The following TRPS1 variants were observed in gnomAD, a reference collection of about 807,000 sequenced individuals.
The protein encoded by TRPS1 is transcriptional repressor GATA binding 1.
Under a neutral mutation model 101.2 loss-of-function variants are expected in TRPS1, and 6 were observed. The observed-to-expected ratio is 0.06, with a 90% CI of 0.03 to 0.12. TRPS1 has a LOEUF of 0.12. Ranked by LOEUF, TRPS1 falls within the 10% of genes least tolerant of loss-of-function variation. The pLI, the probability that TRPS1 is intolerant of heterozygous loss-of-function variation, is 1.00. For synonymous variants in TRPS1, 578 were observed against 589.8 expected, an observed-to-expected ratio of 0.98 and a Z score of 0.29; for missense variants, 1,363 against 1,567.0, an observed-to-expected ratio of 0.87 and a Z score of 2.20.
intron 5 of TRPS1, among the ~76,000 whole-genome samples, chr8:115,535,757 ATG>A (rs1816304255): frequency 6.6e-6 from 1 of 151,286 alleles, no homozygotes; most frequent in Non-Finnish European, 1.5e-5. Context: ...ATACATGTAT[ATG>A]TGTATATATA....
At chr8:115,590,749 T>C (rs1389179289) in intron 4 of TRPS1, among the ~76,000 whole-genome samples, 1 of 152,192 alleles carries the variant, frequency 6.6e-6, no homozygotes, top group African/African-American at 2.4e-5. Context: ...AGTTTCCTCA[T>C]CTGCAAAATG....
At chr8:115,517,876 G>T (rs1815755329) in intron 5 of TRPS1, among the ~76,000 whole-genome samples, 1 of 151,726 alleles carries the variant, frequency 6.6e-6, no homozygotes, top group Non-Finnish European at 1.5e-5. Flanking sequence ...AATCCTGGTT[G>T]ACTGGGTTTG....
intron 4 of TRPS1, among the ~76,000 whole-genome samples, chr8:115,588,874 T>C (rs1817623937): frequency 6.6e-6 from 1 of 152,204 alleles, no homozygotes; most frequent in African/African-American, 2.4e-5. Context: ...CATTGGTGAA[T>C]AAAAGATATA....
intron 5 of TRPS1, among the ~76,000 whole-genome samples, chr8:115,501,636 C>A (rs976454744): frequency 1.3e-5 from 2 of 152,174 alleles, no homozygotes; most frequent in Admixed American, 1.3e-4. Flanking sequence ...AGTCCTCTAA[C>A]CAAAACCAAA....
At chr8:115,636,171 G>A (rs1245000083) in intron 1 of TRPS1, among the ~76,000 whole-genome samples, 1 of 151,442 alleles carries the variant, frequency 6.6e-6, no homozygotes, top group Non-Finnish European at 1.5e-5. Context: ...TAATGTATAT[G>A]TACATACATA....
chr8:115,633,549 TC>T (rs1320834003), intron 1 of TRPS1, among the ~76,000 whole-genome samples: 3 of 152,176 alleles, frequency 2.0e-5, no homozygotes, highest in Non-Finnish European at 4.4e-5. Context: ...TCACGTAATT[TC>T]CCCAGTTGGT....
intron 5 of TRPS1, among the ~76,000 whole-genome samples, chr8:115,450,761 T>G (rs1813850197): frequency 6.6e-6 from 1 of 152,214 alleles, no homozygotes; most frequent in South Asian, 2.1e-4. Flanking sequence ...TGCCTCATTC[T>G]TGCCTCTTCC....
chr8:115,517,743 A>T lies in TRPS1; in HGVS notation c.2700+69258T>A, dbSNP rs563835897. 4.6e-5 allele frequency among the ~76,000 whole-genome samples: 7 copies of T among 151,864 alleles called. No homozygotes were observed. The South Asian group carries it at 1.4e-3, about 31-fold the overall frequency. On this transcript the variant is annotated intron_variant, in intron 5 of 6. Coordinates refer to ENST00000395715, the MANE Select transcript of TRPS1 (RefSeq NM_014112.5). Reference sequence around the variant, plus strand: ...AATTCTGATTTCCAGACTATGTAGGAGAGACCAAAAAGTCACCTGACAATC... The same window carrying T: ...AATTCTGATTTCCAGACTATGTAGGTGAGACCAAAAAGTCACCTGACAATC...
At chr8:115,497,564 T>A (rs1815179828) in intron 5 of TRPS1, among the ~76,000 whole-genome samples, 1 of 152,176 alleles carries the variant, frequency 6.6e-6, no homozygotes, top group East Asian at 1.9e-4. Context: ...AAGTTCTAAT[T>A]CTTCTGAAAA....
chr8:115,580,241 A>ATAT, intron 5 of TRPS1, among the ~76,000 whole-genome samples: 1 of 141,138 alleles, frequency 7.1e-6, no homozygotes, highest in Non-Finnish European at 1.5e-5. Context: ...GAAGAAAAAA[A>ATAT]AAAAATATAT....
intron 5 of TRPS1, among the ~76,000 whole-genome samples, chr8:115,557,123 A>G (rs888731160): frequency 4.6e-5 from 7 of 152,032 alleles, no homozygotes; most frequent in African/African-American, 1.7e-4. Flanking sequence ...CCTCTTTTTA[A>G]AACCACCTGA....
At position 115,619,772 on chromosome 8, in the gene TRPS1, T is replaced by C; in HGVS notation, c.326A>G (p.Asn109Ser). ...CTCATCATGCGGAAAGGAGGGAAAG[T>C]TTCCTCCCTTACTGGGGCTTTCATA... The part of the protein sequence containing the change: ...FNYESPSKGG[N>S]FPSFPHDEVT... The change falls in exon 3 of 7, where the codon AAC becomes AGC. Residue 109 changes from asparagine to serine, a missense_variant. Physicochemically the swap from Asn to Ser is conservative, Grantham distance 46. Transcript: ENST00000395715. 1 of 1,614,164 alleles carries C rather than the reference T, an allele frequency of 6.2e-7. No individual in the cohort carries two copies. The highest frequency in any genetic ancestry group is 1.1e-5 in the South Asian group (1 of 91,088).
intron 5 of TRPS1, among the ~76,000 whole-genome samples, chr8:115,498,715 T>A (rs930577124): frequency 2.0e-5 from 3 of 151,962 alleles, no homozygotes; most frequent in Non-Finnish European, 4.4e-5. Flanking sequence ...CTGAAAACAC[T>A]AAAGGAACTT....
intron 2 of TRPS1, among the ~76,000 whole-genome samples, chr8:115,622,530 T>C (rs138371029): frequency 1.3e-5 from 2 of 152,322 alleles, no homozygotes; most frequent in African/African-American, 2.4e-5. Context: ...GAAGGTTTGA[T>C]ACAACTTCTC....
At chr8:115,459,340 AATAATAATG>A (rs1814108011) in intron 5 of TRPS1, among the ~76,000 whole-genome samples, 1 of 151,854 alleles carries the variant, frequency 6.6e-6, no homozygotes, top group South Asian at 2.1e-4. Context: ...TAATAATAAT[AATAATAATG>A]ATGTTACCTT....
intron 1 of TRPS1, among the ~76,000 whole-genome samples, chr8:115,630,850 C>A (rs1311463493): frequency 6.6e-6 from 1 of 152,022 alleles, no homozygotes; most frequent in Non-Finnish European, 1.5e-5. Context: ...CACTTGGTTT[C>A]CCAATGCATT....
chr8:115,415,620 T>G (rs899324577), intron 6 of TRPS1, among the ~76,000 whole-genome samples: 3 of 152,096 alleles, frequency 2.0e-5, no homozygotes, highest in Non-Finnish European at 4.4e-5. Context: ...ATGAGGTTGT[T>G]AAGGGTGGGG....
intron 5 of TRPS1, among the ~76,000 whole-genome samples, chr8:115,584,586 CT>C (rs147907120): frequency 5.5e-5 from 8 of 146,644 alleles, no homozygotes; most frequent in African/African-American, 7.5e-5. Context: ...ACTTATAGTA[CT>C]TTTTTTTTGG....
intron 5 of TRPS1, among the ~76,000 whole-genome samples, chr8:115,432,506 T>A (rs1180644): frequency 1 from 151,962 of 151,964 alleles, 75,980 homozygotes; most frequent in Middle Eastern, 1. Context: ...TGTATTTTTT[T>A]AAATTTATTT....
Sources: gnomAD v4.1 joint callset for allele counts (sites outside exome capture counted in the v4.1 genomes callset) on GRCh38, gnomAD v4.1.1 for gene constraint, MANE v1.5 for transcripts, NCBI Gene and HGNC (gene_info 2026-07-23, HGNC 2026-07-21) for gene names.